The following LRRC4C variants were observed in gnomAD, a reference collection of about 807,000 sequenced individuals.
LRRC4C encodes leucine-rich repeat-containing protein 4C.
Under a neutral mutation model 33.6 loss-of-function variants are expected in LRRC4C, and 5 were observed. The ratio of observed to expected loss-of-function variants is 0.15; its 90% CI spans 0.08 to 0.31. The LOEUF is 0.31. LRRC4C is among the 10% of genes least tolerant of loss of function. The pLI, the probability that LRRC4C is intolerant of heterozygous loss-of-function variation, is 1.00. For synonymous variants in LRRC4C, 329 were observed against 302.0 expected (o/e 1.09, Z -0.93); for missense variants, 560 against 796.7 (o/e 0.70, Z 3.58).
intron 5 of LRRC4C, among the ~76,000 whole-genome samples, chr11:40,155,209 G>A (rs572327741): frequency 1.2e-4 from 19 of 152,104 alleles, no homozygotes; most frequent in East Asian, 5.8e-4. Context: ...CAGCAAAGGC[G>A]TTGGTAAGAG....
At chr11:40,138,178 T>C (rs887316915) in intron 6 of LRRC4C, among the ~76,000 whole-genome samples, 1 of 152,062 alleles carries the variant, frequency 6.6e-6, no homozygotes, top group Non-Finnish European at 1.5e-5. Context: ...TTCTTTTTTT[T>C]TTTTTTAGAG....
chr11:41,054,555 A>G (rs1343040753), intron 1 of LRRC4C, among the ~76,000 whole-genome samples: 1 of 152,256 alleles, frequency 6.6e-6, no homozygotes, highest in East Asian at 1.9e-4. Context: ...GAAAAGCAAC[A>G]TAAGTACTTT....
At chr11:41,123,515 G>A (rs1327963018) in intron 1 of LRRC4C, among the ~76,000 whole-genome samples, 1 of 150,856 alleles carries the variant, frequency 6.6e-6, no homozygotes, top group South Asian at 2.1e-4. Flanking sequence ...CTCGTGATCC[G>A]CCCGCCTCGG....
At chr11:41,387,600 G>C (rs937509661) in intron 1 of LRRC4C, among the ~76,000 whole-genome samples, 1 of 151,604 alleles carries the variant, frequency 6.6e-6, no homozygotes, top group Admixed American at 6.6e-5. Context: ...TGTTCTTATG[G>C]AATATAGGTG....
At chr11:41,005,406 C>T (rs962619275) in intron 1 of LRRC4C, among the ~76,000 whole-genome samples, 1 of 152,082 alleles carries the variant, frequency 6.6e-6, no homozygotes, top group Admixed American at 6.5e-5. Flanking sequence ...GAGTTTGAGA[C>T]CAGCCTGAGC....
chr11:40,479,607 C>T (rs890635021), intron 3 of LRRC4C, among the ~76,000 whole-genome samples: 4 of 152,082 alleles, frequency 2.6e-5, no homozygotes, highest in Non-Finnish European at 4.4e-5. Flanking sequence ...GTTAAGCTGC[C>T]GAGGGAGGCG....
At chr11:40,381,845 T>A (rs907551412) in intron 3 of LRRC4C, among the ~76,000 whole-genome samples, 4 of 152,102 alleles carry the variant, frequency 2.6e-5, no homozygotes, top group African/African-American at 9.7e-5. Flanking sequence ...TCTTATGAAT[T>A]ATTCATTGTG....
At chr11:40,260,517 C>A (rs1867622838) in intron 4 of LRRC4C, among the ~76,000 whole-genome samples, 1 of 150,222 alleles carries the variant, frequency 6.7e-6, no homozygotes, top group Admixed American at 6.6e-5. Context: ...AACTAACCTG[C>A]ACATTGTGCA....
intron 6 of LRRC4C, 66 bp from the exon 7 acceptor site, chr11:40,116,400 A>G: frequency 2.0e-6 from 3 of 1,466,650 alleles, no homozygotes; most frequent in Non-Finnish European, 2.7e-6. Context: ...TTTCTGGAGT[A>G]ATGTCGGTGA....
intron 2 of LRRC4C, among the ~76,000 whole-genome samples, chr11:40,871,910 G>C (rs1008910678): frequency 1.3e-5 from 2 of 152,076 alleles, no homozygotes; most frequent in African/African-American, 4.8e-5. Flanking sequence ...TCCTATTGTG[G>C]TGGTATTGAA....
chr11:41,059,806 C>T (rs1338099798), intron 1 of LRRC4C, among the ~76,000 whole-genome samples: 2 of 152,160 alleles, frequency 1.3e-5, no homozygotes, highest in Non-Finnish European at 2.9e-5. Flanking sequence ...AGGTGGATCA[C>T]TTGAGGTCAG....
chr11:40,586,571 A>T (rs1451066185), intron 3 of LRRC4C, among the ~76,000 whole-genome samples: 1 of 148,372 alleles, frequency 6.7e-6, no homozygotes, highest in African/African-American at 2.5e-5. Context: ...CTGAATGGTA[A>T]TGCCTAGGTT....
intron 1 of LRRC4C, among the ~76,000 whole-genome samples, chr11:41,286,993 C>G (rs1162326348): frequency 6.6e-6 from 1 of 152,096 alleles, no homozygotes; most frequent in African/African-American, 2.4e-5. Context: ...AAAGCTTCAG[C>G]AATTTATTAC....
At chr11:40,516,872 G>A (rs941071762) in intron 3 of LRRC4C, among the ~76,000 whole-genome samples, 2 of 152,166 alleles carry the variant, frequency 1.3e-5, no homozygotes, top group Non-Finnish European at 2.9e-5. Flanking sequence ...AGAGGGGGAT[G>A]TGTCAAAAGG....
At chr11:40,528,764 A>G (rs568141047) in intron 3 of LRRC4C, among the ~76,000 whole-genome samples, 31 of 152,292 alleles carry the variant, frequency 2.0e-4, no homozygotes, top group African/African-American at 7.2e-4. Flanking sequence ...AGATGAATAA[A>G]GAAAATGTGA....
intron 3 of LRRC4C, among the ~76,000 whole-genome samples, chr11:40,443,687 A>T (rs554432571): frequency 6.6e-6 from 1 of 152,316 alleles, no homozygotes; most frequent in African/African-American, 2.4e-5. Flanking sequence ...TTACCATTGC[A>T]TTCTTAATGA....
At chr11:40,335,118 A>C (rs1389718702) in intron 3 of LRRC4C, among the ~76,000 whole-genome samples, 1 of 152,188 alleles carries the variant, frequency 6.6e-6, no homozygotes, top group East Asian at 1.9e-4. Flanking sequence ...TAAAACATTT[A>C]TACATTGTAG....
chr11:41,119,171 A>G (rs1408797926), intron 1 of LRRC4C, among the ~76,000 whole-genome samples: 1 of 152,152 alleles, frequency 6.6e-6, no homozygotes, highest in Non-Finnish European at 1.5e-5. Flanking sequence ...CTCTTCAGCT[A>G]ACATTTTCCA....
At chr11:40,283,247 A>G (rs1943601449) in intron 4 of LRRC4C, among the ~76,000 whole-genome samples, 1 of 152,222 alleles carries the variant, frequency 6.6e-6, no homozygotes. Context: ...AAGAACAGCT[A>G]TTATCAATAT....
Sources: gnomAD v4.1 joint callset for allele counts (sites outside exome capture counted in the v4.1 genomes callset) on GRCh38, gnomAD v4.1.1 for gene constraint, MANE v1.5 for transcripts, NCBI Gene and HGNC (gene_info 2026-07-23, HGNC 2026-07-21) for gene names.